Variants in MCM3AP observed in about 807,000 individuals in gnomAD.
The protein encoded by MCM3AP is minichromosome maintenance complex component 3 associated protein, also known as germinal-center associated nuclear protein.
Under a neutral mutation model 184.1 loss-of-function variants are expected in MCM3AP, and 126 were observed. The ratio of observed to expected loss-of-function variants is 0.68; its 90% CI spans 0.59 to 0.79. The LOEUF is 0.79. MCM3AP is among the 30% of genes least tolerant of loss of function. MCM3AP has a pLI of 0.00. For synonymous variants in MCM3AP, 1,002 were observed against 979.3 expected (o/e 1.02, Z -0.43); for missense variants, 2,496 against 2,479.2 (o/e 1.01, Z -0.14).
intron 10 of MCM3AP, 87 bp downstream of exon 10, chr21:46,266,895 G>C: frequency 1.4e-6 from 2 of 1,432,446 alleles, no homozygotes; most frequent in African/African-American, 1.4e-5. Flanking sequence ...TTCAAGTCAG[G>C]CAAGCAGCCA....
At chr21:46,244,152 A>C (rs1018999276) in intron 23 of MCM3AP, among the ~76,000 whole-genome samples, 2 of 152,250 alleles carry the variant, frequency 1.3e-5, no homozygotes, top group South Asian at 2.1e-4. Context: ...CACACACCAC[A>C]ATTTAGAAGG....
At chr21:46,260,708 C>G (rs1230847278) in intron 15 of MCM3AP, 85 bp downstream of exon 15, 3 of 924,006 alleles carry the variant, frequency 3.2e-6, no homozygotes, top group Non-Finnish European at 5.3e-6. Context: ...TTTCCAATAG[C>G]CCATCCTCAG....
intron 10 of MCM3AP, 135 bp downstream of exon 10, chr21:46,266,847 T>C (rs2081118523): frequency 1.1e-6 from 1 of 931,596 alleles, no homozygotes; most frequent in Admixed American, 2.6e-5. Flanking sequence ...ATTCTGAGTC[T>C]CGTGTGTTCA....
chr21:46,266,204 AG>A, intron 10 of MCM3AP, 38 bp from the exon 11 acceptor site: 1 of 1,563,920 alleles, frequency 6.4e-7, no homozygotes, highest in Non-Finnish European at 8.7e-7. Context: ...GGGTGTCACC[AG>A]GGGAGAAGAC....
In MCM3AP at chr21:46,272,773, G is replaced by A; in HGVS notation, c.2253C>T (p.Cys751=). The change falls in exon 8 of 28, where the codon TGC becomes TGT. Residue 751 remains cysteine, a synonymous_variant. Coordinates refer to ENST00000291688, the MANE Select transcript of MCM3AP (RefSeq NM_003906.5). The part of the protein sequence containing the change: ...DPLTVSLIEK[C]TRFHIHCAHF... ...GGGCACAGTGGATGTGAAACCGGGT[G>A]CACTTCTCAATCAGGGACACCGTCA... 1 of 1,613,210 alleles carries A rather than the reference G, an allele frequency of 6.2e-7. No homozygotes were observed. Among genetic ancestry groups the A allele is most frequent in the Non-Finnish European group, 8.5e-7 (1 of 1,179,348 alleles).
intron 22 of MCM3AP, 72 bp from the exon 23 acceptor site, chr21:46,245,269 A>AT (rs2123828815): frequency 6.8e-7 from 1 of 1,474,678 alleles, no homozygotes; most frequent in Non-Finnish European, 9.1e-7. Flanking sequence ...AAAGGGCTTG[A>AT]TCCCCCAAGG....
rs2080923521 is a variant in MCM3AP, at chr21:46,254,790, G to A, written c.3987C>T (p.Tyr1329=). ...TAHQMKVQHF[Y]QQLLSDVAWA... ...GCATGACAGACCTCAGCAGCTGCTG[G>A]TAGAAGTGCTGAACCTTCATCTGGT... The change falls in exon 18 of 28, where the codon TAC becomes TAT. Residue 1329 remains tyrosine, a synonymous_variant. Transcript: ENST00000291688. 1 of 1,613,940 alleles carries A rather than the reference G, an allele frequency of 6.2e-7. No individual in the cohort carries two copies.
chr21:46,236,887 A>T lies in MCM3AP; in HGVS notation c.5726T>A (p.Val1909Glu). 1 of 1,567,318 alleles carries T rather than the reference A, an allele frequency of 6.4e-7. No homozygotes were observed. The highest frequency in any genetic ancestry group is 8.6e-7 in the Non-Finnish European group (1 of 1,162,164). The change falls in exon 27 of 28, where the codon GTG becomes GAG. Residue 1909 changes from valine to glutamate, a missense_variant. Val to Glu is a moderately radical substitution (Grantham distance 121, BLOSUM62 -2). Transcript: ENST00000291688. ...AGGTTCAATAGTGTGAGAAAGAGAC[A>T]CTAGAGTCTGAGGAAGATAGAGGGG... The part of the protein sequence containing the change: ...SLPLYLPQTL[V>E]SLSHTIEPVM...
intron 26 of MCM3AP, 61 bp downstream of exon 26, chr21:46,240,750 G>T (rs916497968): frequency 6.9e-7 from 1 of 1,448,032 alleles, no homozygotes. Flanking sequence ...GCAATAACCA[G>T]TCTCCCCTCA....
intron 14 of MCM3AP, 127 bp from the exon 15 acceptor site, chr21:46,261,033 T>G: frequency 3.6e-6 from 3 of 839,452 alleles, no homozygotes; most frequent in Non-Finnish European, 5.7e-6. Flanking sequence ...CCACCCCTAC[T>G]CCAGCTCCCC....
chr21:46,240,216 C>G (rs115373334), intron 26 of MCM3AP, among the ~76,000 whole-genome samples: 72 of 152,184 alleles, frequency 4.7e-4, no homozygotes, highest in African/African-American at 1.7e-3. Context: ...CTGCATGGTT[C>G]GTTTCCAGCA....
intron 7 of MCM3AP, among the ~76,000 whole-genome samples, chr21:46,273,175 A>G (rs1381439694): frequency 6.6e-6 from 1 of 152,124 alleles, no homozygotes; most frequent in Admixed American, 6.6e-5. Flanking sequence ...GGGTTTAACC[A>G]TGTTGGCCAG....
chr21:46,256,170 A>G (rs2080945983), intron 17 of MCM3AP, among the ~76,000 whole-genome samples: 1 of 151,800 alleles, frequency 6.6e-6, no homozygotes, highest in Non-Finnish European at 1.5e-5. Context: ...GGTGGCACCT[A>G]CATGGGTTCT....
intron 22 of MCM3AP, 71 bp from the exon 23 acceptor site, chr21:46,245,268 G>C: frequency 6.8e-7 from 1 of 1,472,722 alleles, no homozygotes; most frequent in Middle Eastern, 1.9e-4. Flanking sequence ...GAAAGGGCTT[G>C]ATCCCCCAAG....
rs1055010557 is a variant in MCM3AP at position 46,270,295 on chromosome 21, C to T, written c.2628+106G>A. 4.6e-6 allele frequency: 5 copies of T among 1,083,898 alleles called. No individual in the cohort carries two copies. The African/African-American group carries it at 4.8e-5, about 10-fold the overall frequency. 67.1% of individuals were successfully genotyped at this position (1,083,898 alleles called of 1,614,324 possible). A position where few individuals can be genotyped will look rare whatever the true frequency, so the allele number is the denominator to read the frequency against. ...TGGGGCTGCTGCAAGGGTGACACAG[C>T]ATCAGCCTGAGACCTCCTTTGAAAA... On this transcript the variant is annotated intron_variant, in intron 9 of 27. Transcript: ENST00000291688.
intron 13 of MCM3AP, 72 bp from the exon 14 acceptor site, chr21:46,261,483 C>T: frequency 2.8e-6 from 4 of 1,443,574 alleles, no homozygotes; most frequent in Non-Finnish European, 3.8e-6. Context: ...GCCTGTAATC[C>T]CAGCACTTTG....
chr21:46,280,716 C>T (rs1253479291), intron 2 of MCM3AP, 141 bp from the exon 3 acceptor site: 1 of 621,414 alleles, frequency 1.6e-6, no homozygotes, highest in African/African-American at 1.8e-5. Flanking sequence ...GTGATTTCTC[C>T]ACCCACACGT....
intron 27 of MCM3AP, among the ~76,000 whole-genome samples, chr21:46,235,782 C>T (rs1260472663): frequency 1.3e-5 from 2 of 152,140 alleles, no homozygotes; most frequent in Non-Finnish European, 2.9e-5. Flanking sequence ...GGACAACAGG[C>T]ATGTAGCACC....
intron 9 of MCM3AP, among the ~76,000 whole-genome samples, chr21:46,268,278 C>A (rs2081138242): frequency 6.6e-6 from 1 of 152,178 alleles, no homozygotes; most frequent in African/African-American, 2.4e-5. Flanking sequence ...TGCTTGAGTG[C>A]TGGGACTTTG....
Sources: gnomAD v4.1 joint callset for allele counts (sites outside exome capture counted in the v4.1 genomes callset) on GRCh38, gnomAD v4.1.1 for gene constraint, MANE v1.5 for transcripts, NCBI Gene and HGNC (gene_info 2026-07-23, HGNC 2026-07-21) for gene names.